Variants in PRKG1 observed in about 807,000 individuals in gnomAD.
PRKG1 encodes cGMP-dependent protein kinase 1.
Under a neutral mutation model 88.1 loss-of-function variants are expected in PRKG1, and 35 were observed. The observed-to-expected ratio is 0.40, with a 90% CI of 0.30 to 0.53. The LOEUF is 0.53. Ranked by LOEUF, PRKG1 falls within the 20% of genes least tolerant of loss-of-function variation. The pLI, the probability that PRKG1 is intolerant of heterozygous loss-of-function variation, is 0.59. For missense variants in PRKG1, 540 were observed against 839.8 expected, an observed-to-expected ratio of 0.64 and a Z score of 4.41; for synonymous variants, 303 against 292.5, an observed-to-expected ratio of 1.04 and a Z score of -0.37.
chr10:51,558,106 C>T (rs1185108095), intron 3 of PRKG1, among the ~76,000 whole-genome samples: 1 of 151,796 alleles, frequency 6.6e-6, no homozygotes, highest in East Asian at 1.9e-4. Context: ...TAAAAATTAC[C>T]AACAGACCAA....
At chr10:51,091,787 T>C (rs1009527506) in intron 1 of PRKG1, among the ~76,000 whole-genome samples, 33 of 152,198 alleles carry the variant, frequency 2.2e-4, no homozygotes, top group African/African-American at 7.2e-4. Context: ...AGGATTAATA[T>C]ACCTTTTCCC....
At chr10:51,535,033 C>T (rs573192705) in intron 3 of PRKG1, among the ~76,000 whole-genome samples, 17 of 152,160 alleles carry the variant, frequency 1.1e-4, no homozygotes, top group Admixed American at 7.2e-4. Context: ...TGAATTATCA[C>T]AGAAAAATAG....
chr10:51,316,766 G>C (rs1307094216), intron 2 of PRKG1, among the ~76,000 whole-genome samples: 3 of 152,104 alleles, frequency 2.0e-5, no homozygotes, highest in African/African-American at 7.2e-5. Flanking sequence ...TAAAAATTAG[G>C]ACACTCTAGT....
At chr10:51,753,784 C>T (rs1001621391) in intron 3 of PRKG1, among the ~76,000 whole-genome samples, 4 of 152,288 alleles carry the variant, frequency 2.6e-5, no homozygotes, top group Admixed American at 2.6e-4. Flanking sequence ...AAAATATGAA[C>T]TGTAAACTGT....
chr10:52,198,270 A>G (rs1269223886), intron 9 of PRKG1, among the ~76,000 whole-genome samples: 1 of 152,178 alleles, frequency 6.6e-6, no homozygotes, highest in African/African-American at 2.4e-5. Flanking sequence ...ATTGGCATGC[A>G]GTTTGATAAA....
At chr10:51,075,511 G>A (rs951182330) in intron 1 of PRKG1, among the ~76,000 whole-genome samples, 1 of 152,244 alleles carries the variant, frequency 6.6e-6, no homozygotes, top group Non-Finnish European at 1.5e-5. Flanking sequence ...ATAAATGGAA[G>A]ACTAGTCTGT....
intron 1 of PRKG1, among the ~76,000 whole-genome samples, chr10:51,068,019 T>C (rs1843775919): frequency 6.6e-6 from 1 of 152,070 alleles, no homozygotes; most frequent in African/African-American, 2.4e-5. Flanking sequence ...GATAATGTTG[T>C]AGTTAGTTAC....
In PRKG1 at chr10:51,357,471, A is replaced by C. The variant is rs563637790; in HGVS notation, c.479-110252A>C. Among the ~76,000 whole-genome samples the C allele has an allele frequency of 3.3e-5, 5 of 152,030 alleles. No individual in the cohort carries two copies. The South Asian group carries it at 1.0e-3, about 32-fold the overall frequency. ...GAGGAGGCTGCACACCCTTCTCTGAAATCTTTTGGCAGAATCTCTCTACCT... is the reference window on the plus strand; with the variant it reads ...GAGGAGGCTGCACACCCTTCTCTGACATCTTTTGGCAGAATCTCTCTACCT... On this transcript the variant is annotated intron_variant, in intron 2 of 17. Transcript: ENST00000373980.
intron 9 of PRKG1, among the ~76,000 whole-genome samples, chr10:52,183,109 T>C (rs1839087190): frequency 6.6e-6 from 1 of 152,192 alleles, no homozygotes. Flanking sequence ...CACCAAGCCA[T>C]TTATGAGACA....
chr10:51,369,503 T>G (rs1428467751), intron 2 of PRKG1, among the ~76,000 whole-genome samples: 1 of 152,032 alleles, frequency 6.6e-6, no homozygotes, highest in African/African-American at 2.4e-5. Flanking sequence ...CTCTTTCATG[T>G]CTGGAAGGTA....
chr10:52,267,717 A>C (rs979032377), intron 10 of PRKG1, among the ~76,000 whole-genome samples: 1 of 152,034 alleles, frequency 6.6e-6, no homozygotes. Context: ...ATGCATGCTG[A>C]CTTGTAATCA....
chr10:52,132,492 GAC>G (rs1448630454), intron 7 of PRKG1, among the ~76,000 whole-genome samples: 2 of 152,090 alleles, frequency 1.3e-5, no homozygotes, highest in Admixed American at 6.5e-5. Flanking sequence ...AACAGTGAAA[GAC>G]ACAGAGATCA....
intron 9 of PRKG1, among the ~76,000 whole-genome samples, chr10:52,166,880 T>TACACACAC (rs143459696): frequency 3.7e-4 from 45 of 121,948 alleles, no homozygotes; most frequent in African/African-American, 1.0e-3. Flanking sequence ...TGTGTATGTA[T>TACACACAC]ACACACACAC....
intron 3 of PRKG1, among the ~76,000 whole-genome samples, chr10:51,652,371 T>C (rs2132315706): frequency 6.6e-6 from 1 of 151,820 alleles, no homozygotes; most frequent in Non-Finnish European, 1.5e-5. Context: ...GGGAAATTGA[T>C]TGGCTTGTAA....
chr10:52,092,062 G>C (rs16926469), intron 7 of PRKG1, among the ~76,000 whole-genome samples: 6,203 of 152,126 alleles, frequency 0.041, 440 homozygotes, highest in African/African-American at 0.14. Flanking sequence ...GTGAGCATGA[G>C]CACTTAGTAT....
rs188200217 is a variant in PRKG1, at chr10:51,190,398, T to C, written c.478+37068T>C. The stretch of plus-strand genomic sequence containing the variant: ...AATCTAGACAATCATAAATGGCTGC[T>C]GAGAAACTGATGCAAGAAAGAGATT... On this transcript the variant is annotated intron_variant, in intron 2 of 17. Transcript: ENST00000373980. Among the ~76,000 whole-genome samples, 12 of 151,958 alleles carry C rather than the reference T, an allele frequency of 7.9e-5. No individual in the cohort carries two copies. In the East Asian group the frequency reaches 2.3e-3, roughly 29 times the overall value.
At position 52,243,345 on chromosome 10, in the gene PRKG1, T is replaced by G. The variant is rs141732687; in HGVS notation, c.1077-8225T>G. On this transcript the variant is annotated intron_variant, in intron 9 of 17. Transcript: ENST00000373980. ...GCAGATAGAATCAGATAGTAAAAAT[T>G]ATTATAGCCCAGAAGTCAGAATGGC... Among the ~76,000 whole-genome samples, 94 of 152,282 alleles carry G rather than the reference T, an allele frequency of 6.2e-4. 3 individuals carry two copies. In the East Asian group the frequency reaches 0.015, roughly 24 times the overall value.
At chr10:51,361,388 G>A (rs1284585072) in intron 2 of PRKG1, among the ~76,000 whole-genome samples, 1 of 151,874 alleles carries the variant, frequency 6.6e-6, no homozygotes, top group African/African-American at 2.4e-5. Context: ...TTTGTACCAA[G>A]TACAACTTAA....
chr10:51,348,728 T>C (rs1210685818), intron 2 of PRKG1, among the ~76,000 whole-genome samples: 3 of 152,228 alleles, frequency 2.0e-5, no homozygotes, highest in African/African-American at 7.2e-5. Context: ...ATGTATCTAC[T>C]GCACTTACCT....
Sources: allele counts gnomAD v4.1 joint callset (sites outside exome capture counted in the v4.1 genomes callset), GRCh38; gene constraint gnomAD v4.1.1; transcripts MANE v1.5; gene names NCBI Gene and HGNC (gene_info 2026-07-23, HGNC 2026-07-21).